Variants in LRRTM4 observed in about 807,000 individuals in gnomAD.
LRRTM4 encodes the protein leucine-rich repeat transmembrane neuronal protein 4.
A neutral mutation model predicts 47.6 loss-of-function variants in LRRTM4; 25 were observed. The observed-to-expected ratio is 0.53, with a 90% CI of 0.38 to 0.73. The LOEUF (loss-of-function observed/expected upper bound fraction) is 0.73, where lower values mean the gene tolerates loss of function less well. Ranked by LOEUF, LRRTM4 falls within the 30% of genes least tolerant of loss-of-function variation. The pLI, the probability that LRRTM4 is intolerant of heterozygous loss-of-function variation, is 0.00. For missense variants in LRRTM4, 638 were observed against 713.4 expected (o/e 0.89, Z 1.20); for synonymous variants, 311 against 269.5 (o/e 1.15, Z -1.51).
rs189975876 is a variant in LRRTM4 at position 76,821,069 on chromosome 2, C to T, written c.1552-72153G>A. 5.9e-5 allele frequency among the ~76,000 whole-genome samples: 9 copies of T among 151,764 alleles called. No homozygotes were observed. In the East Asian group the frequency reaches 9.7e-4, roughly 16 times the overall value. On this transcript the variant is annotated intron_variant, in intron 3 of 3. Transcript: ENST00000409884. ...TTCCACTGATCCTATAAGTACAAAA[C>T]ATAAGTAGAAGACACTGATGAACAC...
At chr2:77,088,898 A>G (rs1331216578) in intron 3 of LRRTM4, among the ~76,000 whole-genome samples, 6 of 151,816 alleles carry the variant, frequency 4.0e-5, no homozygotes, top group African/African-American at 9.7e-5. Flanking sequence ...CAATCTTGGC[A>G]CCACACTTCA....
At chr2:76,888,301 A>T (rs1014295616) in intron 3 of LRRTM4, among the ~76,000 whole-genome samples, 1 of 151,452 alleles carries the variant, frequency 6.6e-6, no homozygotes, top group African/African-American at 2.4e-5. Context: ...ATATGTAATT[A>T]AGATTTAGTT....
At chr2:76,811,149 C>T (rs190474860) in intron 3 of LRRTM4, among the ~76,000 whole-genome samples, 6 of 152,230 alleles carry the variant, frequency 3.9e-5, no homozygotes, top group Middle Eastern at 3.4e-3. Flanking sequence ...CTGGAATTTC[C>T]ATAGTTAACT....
At chr2:76,909,402 C>T (rs943966841) in intron 3 of LRRTM4, among the ~76,000 whole-genome samples, 1 of 152,070 alleles carries the variant, frequency 6.6e-6, no homozygotes, top group Non-Finnish European at 1.5e-5. Context: ...TAGAAGAAAA[C>T]CTAGGCATTA....
chr2:77,076,866 A>T (rs1010517241), intron 3 of LRRTM4, among the ~76,000 whole-genome samples: 1 of 152,188 alleles, frequency 6.6e-6, no homozygotes, highest in East Asian at 1.9e-4. Flanking sequence ...GAGCTATGCC[A>T]GATTATAAGT....
At chr2:76,859,507 G>T (rs889247952) in intron 3 of LRRTM4, among the ~76,000 whole-genome samples, 4 of 152,120 alleles carry the variant, frequency 2.6e-5, no homozygotes, top group African/African-American at 9.7e-5. Context: ...AAAGCCAAGA[G>T]CTGGTTAATA....
intron 3 of LRRTM4, among the ~76,000 whole-genome samples, chr2:77,058,226 CTTAG>C (rs909841598): frequency 6.6e-5 from 10 of 152,026 alleles, no homozygotes; most frequent in African/African-American, 2.4e-4. Context: ...ATCAGAGGTC[CTTAG>C]TTAGTGGGTA....
At chr2:76,783,366 AC>A (rs1348111040) in intron 3 of LRRTM4, among the ~76,000 whole-genome samples, 3 of 152,088 alleles carry the variant, frequency 2.0e-5, no homozygotes, top group East Asian at 1.9e-4. Context: ...ATTTTTAAAA[AC>A]TTTTTTTAAT....
chr2:76,787,695 G>A (rs549241884), intron 3 of LRRTM4, among the ~76,000 whole-genome samples: 89 of 152,038 alleles, frequency 5.9e-4, no homozygotes, highest in African/African-American at 2.0e-3. Flanking sequence ...ACACTTATTC[G>A]GGTTGATTCT....
At chr2:77,289,211 T>A (rs1042208635) in intron 3 of LRRTM4, among the ~76,000 whole-genome samples, 1 of 148,382 alleles carries the variant, frequency 6.7e-6, no homozygotes, top group Non-Finnish European at 1.5e-5. Context: ...CCTTTCTTAA[T>A]TCAGCCCTTT....
chr2:76,807,493 T>C (rs1002696483), intron 3 of LRRTM4, among the ~76,000 whole-genome samples: 24 of 144,176 alleles, frequency 1.7e-4, no homozygotes, highest in South Asian at 6.4e-4. Flanking sequence ...TATACATATA[T>C]ATATATATAG....
intron 3 of LRRTM4, among the ~76,000 whole-genome samples, chr2:77,239,881 G>A (rs1175879133): frequency 6.6e-6 from 1 of 151,624 alleles, no homozygotes; most frequent in East Asian, 1.9e-4. Flanking sequence ...AATCATGGAA[G>A]CCCTTAGGAA....
At chr2:77,318,314 C>T (rs167055) in intron 3 of LRRTM4, among the ~76,000 whole-genome samples, 2 of 151,998 alleles carry the variant, frequency 1.3e-5, no homozygotes, top group African/African-American at 4.8e-5. Context: ...CCCCAACACT[C>T]TTATTTTTAT....
chr2:77,055,094 C>T (rs1286346881), intron 3 of LRRTM4, among the ~76,000 whole-genome samples: 2 of 152,134 alleles, frequency 1.3e-5, no homozygotes, highest in African/African-American at 4.8e-5. Context: ...GAAGAGGATA[C>T]TGACTCCGCT....
At chr2:76,844,856 T>C (rs1323281872) in intron 3 of LRRTM4, among the ~76,000 whole-genome samples, 1 of 152,078 alleles carries the variant, frequency 6.6e-6, no homozygotes, top group Admixed American at 6.6e-5. Flanking sequence ...TTAGTCTTTT[T>C]AAAAAACAGA....
chr2:77,420,539 G>A (rs1674833658), intron 3 of LRRTM4, among the ~76,000 whole-genome samples: 1 of 151,636 alleles, frequency 6.6e-6, no homozygotes, highest in Admixed American at 6.6e-5. Flanking sequence ...ACTGGAGAAA[G>A]GACGTACAGG....
At chr2:76,957,573 A>G (rs780103628) in intron 3 of LRRTM4, among the ~76,000 whole-genome samples, 1 of 151,758 alleles carries the variant, frequency 6.6e-6, no homozygotes, top group East Asian at 1.9e-4. Flanking sequence ...TTCAAGAAGA[A>G]TCCCTGTTTT....
intron 3 of LRRTM4, among the ~76,000 whole-genome samples, chr2:77,416,656 CA>C (rs1674645801): frequency 6.6e-6 from 1 of 151,936 alleles, no homozygotes; most frequent in Admixed American, 6.6e-5. Flanking sequence ...ATAATCTTAG[CA>C]AAATCATACC....
intron 3 of LRRTM4, among the ~76,000 whole-genome samples, chr2:76,806,252 A>T (rs1675961372): frequency 6.6e-6 from 1 of 152,148 alleles, no homozygotes; most frequent in African/African-American, 2.4e-5. Context: ...AAATTAGAAG[A>T]TGTCATTTTG....
Sources: gnomAD v4.1 joint callset for allele counts (sites outside exome capture counted in the v4.1 genomes callset) on GRCh38, gnomAD v4.1.1 for gene constraint, MANE v1.5 for transcripts, NCBI Gene and HGNC (gene_info 2026-07-23, HGNC 2026-07-21) for gene names.